The following SYNE1 variants were observed in gnomAD, a reference collection of about 807,000 sequenced individuals.
The protein encoded by SYNE1 is nesprin-1.
A neutral mutation model predicts 1,111.0 loss-of-function variants in SYNE1; 616 were observed. The observed-to-expected ratio is 0.55, with a 90% CI of 0.52 to 0.59. The LOEUF is 0.59. SYNE1 is among the 20% of genes least tolerant of loss of function. SYNE1 has a pLI of 0.00. For missense variants in SYNE1, 10,006 were observed against 10,417.0 expected (o/e 0.96, Z 1.72); for synonymous variants, 3,855 against 3,825.8 (o/e 1.01, Z -0.28).
chr6:152,189,184 T>A (rs1454769140), intron 128 of SYNE1, 68 bp downstream of exon 128: 16 of 1,567,756 alleles, frequency 1.0e-5, no homozygotes, highest in Non-Finnish European at 1.4e-5. Flanking sequence ...GGTTAACCCA[T>A]CTGACGTTCA....
At chr6:152,582,210 T>C (rs991029204) in intron 3 of SYNE1, among the ~76,000 whole-genome samples, 7 of 152,140 alleles carry the variant, frequency 4.6e-5, no homozygotes, top group Non-Finnish European at 1.0e-4. Flanking sequence ...CCTTCAGCTC[T>C]TCTGTGGCAG....
intron 3 of SYNE1, among the ~76,000 whole-genome samples, chr6:152,586,313 G>C (rs2099538769): frequency 6.6e-6 from 1 of 151,858 alleles, no homozygotes; most frequent in Non-Finnish European, 1.5e-5. Context: ...GAGTTTTCTT[G>C]TCCAGGAACA....
chr6:152,583,182 C>G (rs1198446164), intron 3 of SYNE1, among the ~76,000 whole-genome samples: 1 of 152,166 alleles, frequency 6.6e-6, no homozygotes, highest in African/African-American at 2.4e-5. Context: ...TGCTCAGATC[C>G]TAAATCAGTG....
chr6:152,511,575 G>T, intron 6 of SYNE1: 1 of 1,612,672 alleles, frequency 6.2e-7, no homozygotes, highest in Non-Finnish European at 8.5e-7. Context: ...ACTAACCGGT[G>T]ATCCTCTGTG....
chr6:152,369,532 T>C lies in SYNE1; in HGVS notation c.9590A>G (p.His3197Arg), dbSNP rs773677688. 6.2e-7 allele frequency: 1 copy of C among 1,614,204 alleles called. No homozygotes were observed. The highest frequency in any genetic ancestry group is 1.7e-5 in the Admixed American group (1 of 60,028). The change falls in exon 60 of 146, where the codon CAT becomes CGT. Residue 3197 changes from histidine to arginine, a missense_variant. Around this residue, in one of 7 missense-constraint regions of SYNE1, gnomAD observed 4,955 missense variants for 5,017.2 expected, o/e 0.99. Coordinates refer to ENST00000367255, the MANE Select transcript of SYNE1 (RefSeq NM_182961.4). ...ATCATAGAGGCGATTGCTGCTTTCA[T>C]GGACCATCTTCTCAGTTTTACTCAG... ...DWLSKTEKMV[H>R]ESSNRLYDLP...
At chr6:152,266,545 A>T (rs1181986828) in intron 100 of SYNE1, among the ~76,000 whole-genome samples, 1 of 152,136 alleles carries the variant, frequency 6.6e-6, no homozygotes, top group South Asian at 2.1e-4. Context: ...TACACAACAG[A>T]CAGTTTTTAA....
chr6:152,505,823 G>A (rs1318177996), intron 8 of SYNE1, among the ~76,000 whole-genome samples: 1 of 104,842 alleles, frequency 9.5e-6, no homozygotes, highest in African/African-American at 5.4e-5. Flanking sequence ...ATTAACCACT[G>A]TAAATTTTTG....
At chr6:152,282,570 A>G (rs116829924) in intron 96 of SYNE1, among the ~76,000 whole-genome samples, 349 of 152,338 alleles carry the variant, frequency 2.3e-3, no homozygotes, top group African/African-American at 8.1e-3. Context: ...ATCGACGTCA[A>G]TCGCTTCATT....
intron 119 of SYNE1, 76 bp downstream of exon 119, chr6:152,220,766 C>T: frequency 7.3e-7 from 1 of 1,363,564 alleles, no homozygotes; most frequent in South Asian, 1.2e-5. Context: ...CATACCAAAG[C>T]TTACACAGAC....
In SYNE1 at chr6:152,190,037, G is replaced by T. The variant is rs188572503; in HGVS notation, c.23146-630C>A. Among the ~76,000 whole-genome samples the T allele has an allele frequency of 2.6e-5, 4 of 152,268 alleles. No individual in the cohort carries two copies. In the East Asian group the frequency reaches 7.7e-4, roughly 29 times the overall value. ...CTGCTACTTTATCAACTAAGTTTAT[G>T]TAATACTTGAAATCCTTTGTTGTTA... On this transcript the variant is annotated intron_variant, in intron 127 of 145. Transcript: ENST00000367255.
At chr6:152,479,864 G>A (rs550879210) in intron 14 of SYNE1, among the ~76,000 whole-genome samples, 5 of 152,222 alleles carry the variant, frequency 3.3e-5, no homozygotes, top group Non-Finnish European at 7.4e-5. Context: ...CATTCACAAA[G>A]TGAACTCTCG....
chr6:152,334,299 A>T, intron 76 of SYNE1, 26 bp from the exon 77 acceptor site: 1 of 1,611,496 alleles, frequency 6.2e-7, no homozygotes, highest in Non-Finnish European at 8.5e-7. Flanking sequence ...AACAAAAAAT[A>T]TGTAATGTGT....
chr6:152,359,958 G>A lies in SYNE1; in HGVS notation c.10300-500C>T, dbSNP rs890680466. On this transcript the variant is annotated intron_variant, in intron 64 of 145. Transcript: ENST00000367255. ...TTAGCTCTACCTCCTATTATACTGC[G>A]ACATCTGTCCCCACATCTCCTGCAA... Among the ~76,000 whole-genome samples, 5 of 152,042 alleles carry A rather than the reference G, an allele frequency of 3.3e-5. No individual in the cohort carries two copies. The East Asian group carries it at 5.8e-4, about 18-fold the overall frequency.
chr6:152,404,938 G>A (rs2097873723), intron 45 of SYNE1: 1 of 152,222 alleles, frequency 6.6e-6, no homozygotes, highest in Non-Finnish European at 1.5e-5. Context: ...AACCACAAAG[G>A]GGCATTTAAT....
chr6:152,180,416 T>C, intron 128 of SYNE1, 122 bp from the exon 129 acceptor site: 2 of 975,120 alleles, frequency 2.1e-6, no homozygotes, highest in Non-Finnish European at 3.1e-6. Flanking sequence ...TTTAGCCCAC[T>C]GTTTCCTGAA....
Position 152,214,675 on chromosome 6 carries a change from T to G in SYNE1, c.22346+231A>C, listed in dbSNP as rs551851373. On this transcript the variant is annotated intron_variant, in intron 122 of 145. Coordinates refer to ENST00000367255, the MANE Select transcript of SYNE1 (RefSeq NM_182961.4). ...TTCCACTGTGTGAGGACACAGCAAC[T>G]CTCCCCTCCTGAGGATGCAGCAAAA... Among the ~76,000 whole-genome samples the G allele has an allele frequency of 2.0e-5, 3 of 152,214 alleles. No individual in the cohort carries two copies. The South Asian group carries it at 6.2e-4, about 32-fold the overall frequency.
At chr6:152,489,477 G>A (rs560202782) in intron 11 of SYNE1, among the ~76,000 whole-genome samples, 8 of 60,992 alleles carry the variant, frequency 1.3e-4, no homozygotes, top group East Asian at 1.1e-3. Context: ...TTTTTTTTTC[G>A]TTAACCTCTC....
chr6:152,468,625 T>A (rs2098785641), intron 16 of SYNE1, among the ~76,000 whole-genome samples: 1 of 152,182 alleles, frequency 6.6e-6, no homozygotes, highest in Non-Finnish European at 1.5e-5. Flanking sequence ...TCTCTAACAC[T>A]TAAAAAAAGT....
rs548778544 is a variant in SYNE1, at chr6:152,159,329, G to C, written c.23791-3232C>G. Among the ~76,000 whole-genome samples the C allele has an allele frequency of 7.9e-5, 12 of 152,208 alleles. No homozygotes were observed. In the South Asian group the frequency reaches 2.1e-3, roughly 26 times the overall value. ...GCGTTCTATAAATCAGGGCTCTAAG[G>C]GTTCAAATAGTTATGGCTTTGTCCC... On this transcript the variant is annotated intron_variant, in intron 131 of 145. Transcript: ENST00000367255.
Sources: allele counts gnomAD v4.1 joint callset (sites outside exome capture counted in the v4.1 genomes callset), GRCh38; gene constraint gnomAD v4.1.1; regional missense constraint gnomAD v4.1.1; transcripts MANE v1.5; gene names NCBI Gene and HGNC (gene_info 2026-07-23, HGNC 2026-07-21).